Variants in CLMP observed in about 807,000 individuals in gnomAD.
CLMP encodes the protein CXADR-like membrane protein.
A neutral mutation model predicts 45.2 loss-of-function variants in CLMP; 27 were observed. That is an observed-to-expected ratio of 0.60 (90% CI 0.44 to 0.82). The LOEUF is 0.82. CLMP is among the 40% of genes least tolerant of loss of function. The pLI, the probability that CLMP is intolerant of heterozygous loss-of-function variation, is 0.00. For synonymous variants in CLMP, 167 were observed against 171.4 expected (o/e 0.97, Z 0.20); for missense variants, 403 against 448.4 (o/e 0.90, Z 0.91).
chr11:123,153,205 A>T (rs535741373), intron 1 of CLMP, among the ~76,000 whole-genome samples: 1 of 152,198 alleles, frequency 6.6e-6, no homozygotes, highest in East Asian at 1.9e-4. Context: ...CTTGCCAGTC[A>T]TCTGGAACAC....
chr11:123,116,988 C>T (rs1860729489), intron 1 of CLMP, among the ~76,000 whole-genome samples: 1 of 152,144 alleles, frequency 6.6e-6, no homozygotes, highest in African/African-American at 2.4e-5. Context: ...GTAACTCACA[C>T]CTGTAATCCC....
intron 1 of CLMP, among the ~76,000 whole-genome samples, chr11:123,143,911 C>T (rs370786940): frequency 4.6e-5 from 7 of 151,946 alleles, no homozygotes; most frequent in South Asian, 2.1e-4. Flanking sequence ...CAGGTCCAAG[C>T]GATCCTCCTA....
At chr11:123,098,090 G>C in intron 1 of CLMP, 138 bp from the exon 2 acceptor site, 1 of 553,470 alleles carries the variant, frequency 1.8e-6, no homozygotes, top group Non-Finnish European at 2.9e-6. Context: ...TAGACCAGGT[G>C]TACTAGAAGT....
intron 1 of CLMP, among the ~76,000 whole-genome samples, chr11:123,166,609 C>T (rs1260618811): frequency 6.6e-6 from 1 of 152,232 alleles, no homozygotes; most frequent in Admixed American, 6.5e-5. Context: ...ATGTGAGCTG[C>T]TCTCTTGCTT....
At chr11:123,159,756 T>G (rs114088861) in intron 1 of CLMP, among the ~76,000 whole-genome samples, 1 of 152,172 alleles carries the variant, frequency 6.6e-6, no homozygotes, top group African/African-American at 2.4e-5. Flanking sequence ...TTTTCCATAA[T>G]TCTCTGCCAA....
Position 123,072,196 on chromosome 11 carries a change from G to A in CLMP, c.*1278C>T, listed in dbSNP as rs1865679823. On this transcript the variant is annotated 3_prime_UTR_variant, in exon 7 of 7. Coordinates refer to ENST00000448775, the MANE Select transcript of CLMP (RefSeq NM_024769.5). Reference sequence around the variant, plus strand: ...AGCATTGGCAATCCCTGATCTTTTTGATAGTTTAAGGCTTAGAATCATCAA... The same window carrying A: ...AGCATTGGCAATCCCTGATCTTTTTAATAGTTTAAGGCTTAGAATCATCAA... The A allele has an allele frequency of 6.6e-6, 1 of 152,134 alleles. No individual in the cohort carries two copies. Among genetic ancestry groups the A allele is most frequent in the Non-Finnish European group, 1.5e-5 (1 of 68,020 alleles). The allele number at this position is 152,134 out of a possible 1,614,324, so 9.4% of individuals were successfully genotyped here. A position where few individuals can be genotyped will look rare whatever the true frequency, so the allele number is the denominator to read the frequency against.
At chr11:123,086,504 C>A (rs1156335771) in intron 2 of CLMP, among the ~76,000 whole-genome samples, 2 of 152,208 alleles carry the variant, frequency 1.3e-5, no homozygotes, top group African/African-American at 4.8e-5. Context: ...TGCCTTTGAT[C>A]ACGTGTTGCT....
chr11:123,138,893 G>A (rs1861114730), intron 1 of CLMP, among the ~76,000 whole-genome samples: 1 of 152,120 alleles, frequency 6.6e-6, no homozygotes, highest in African/African-American at 2.4e-5. Context: ...GACCTCAGGT[G>A]ATCCACCCAC....
At chr11:123,081,862 G>GAAA (rs569269048) in intron 5 of CLMP, among the ~76,000 whole-genome samples, 1 of 97,770 alleles carries the variant, frequency 1.0e-5, no homozygotes, top group Non-Finnish European at 2.2e-5. Flanking sequence ...ACCCTGTCCA[G>GAAA]AAAAAAAAAA....
intron 1 of CLMP, among the ~76,000 whole-genome samples, chr11:123,107,334 G>A (rs573350708): frequency 2.2e-4 from 34 of 151,978 alleles, no homozygotes; most frequent in African/African-American, 8.0e-4. Flanking sequence ...GGGTTCAAGC[G>A]ATTCTCCTGC....
chr11:123,188,894 G>T lies in CLMP; in HGVS notation c.28+6019C>A, dbSNP rs1490983036. 5 of 152,346 alleles carry T rather than the reference G, an allele frequency of 3.3e-5. No individual in the cohort carries two copies. The East Asian group carries it at 7.7e-4, about 24-fold the overall frequency. The allele number at this position is 152,346 out of a possible 1,614,324, so 9.4% of individuals were successfully genotyped here. Reference sequence around the variant, plus strand: ...TTCTTTAGGAAACAAGTAAGTCAGAGGTGCTGAAAACAGGACTTTAAGCAG... The same window carrying T: ...TTCTTTAGGAAACAAGTAAGTCAGATGTGCTGAAAACAGGACTTTAAGCAG... On this transcript the variant is annotated intron_variant, in intron 1 of 6. Transcript: ENST00000448775.
At chr11:123,076,188 G>T (rs181913548) in intron 5 of CLMP, among the ~76,000 whole-genome samples, 10 of 152,124 alleles carry the variant, frequency 6.6e-5, no homozygotes, top group Admixed American at 2.6e-4. Flanking sequence ...TAGAATAAAA[G>T]TTGATTTTTA....
intron 1 of CLMP, among the ~76,000 whole-genome samples, chr11:123,111,319 CG>C (rs1860635000): frequency 6.6e-6 from 1 of 152,058 alleles, no homozygotes; most frequent in Non-Finnish European, 1.5e-5. Flanking sequence ...TTAGTAGAGA[CG>C]GAGTTTCACC....
At chr11:123,192,221 AT>A (rs1249022020) in intron 1 of CLMP, among the ~76,000 whole-genome samples, 1 of 152,234 alleles carries the variant, frequency 6.6e-6, no homozygotes, top group Non-Finnish European at 1.5e-5. Flanking sequence ...TGTGAATGAC[AT>A]TATGTAAAGT....
intron 1 of CLMP, among the ~76,000 whole-genome samples, chr11:123,186,115 C>G (rs1354026565): frequency 1.3e-5 from 2 of 152,186 alleles, no homozygotes; most frequent in Non-Finnish European, 1.5e-5. Flanking sequence ...CTGTTTTGCT[C>G]TATTCAAGCT....
chr11:123,073,937 T>C (rs1455435290), intron 6 of CLMP, among the ~76,000 whole-genome samples, 163 bp from the exon 7 acceptor site: 2 of 152,190 alleles, frequency 1.3e-5, no homozygotes, highest in African/African-American at 4.8e-5. Flanking sequence ...GACTTAATGC[T>C]TGGCTCACAC....
Position 123,070,499 on chromosome 11 carries a change from GTAAC to G in CLMP, c.*2971_*2974del, listed in dbSNP as rs1431614954. On this transcript the variant is annotated 3_prime_UTR_variant, in exon 7 of 7. Transcript: ENST00000448775. ...AATCAACTGGTATTTTAGCATTCTG[GTAAC>G]TAACATGTTTAAAAATCTAAGGCTC... 9.9e-5 allele frequency: 15 copies of G among 152,152 alleles called. No individual in the cohort carries two copies. Among genetic ancestry groups the G allele is most frequent in the Non-Finnish European group, 1.0e-4 (7 of 68,040 alleles). 9.4% of individuals were successfully genotyped at this position (152,152 alleles called of 1,614,324 possible).
chr11:123,147,579 C>T (rs562918750), intron 1 of CLMP, among the ~76,000 whole-genome samples: 2 of 152,186 alleles, frequency 1.3e-5, no homozygotes, highest in Admixed American at 6.5e-5. Context: ...TGCCCAGCAG[C>T]GAGCCTTTCT....
At chr11:123,130,999 T>A (rs962409555) in intron 1 of CLMP, among the ~76,000 whole-genome samples, 1 of 151,956 alleles carries the variant, frequency 6.6e-6, no homozygotes, top group African/African-American at 2.4e-5. Flanking sequence ...TGCACCACCA[T>A]GCCTGGCTAA....
Sources: gnomAD v4.1 joint callset for allele counts (sites outside exome capture counted in the v4.1 genomes callset) on GRCh38, gnomAD v4.1.1 for gene constraint, MANE v1.5 for transcripts, NCBI Gene and HGNC (gene_info 2026-07-23, HGNC 2026-07-21) for gene names.